Variants in FOXN3 observed in about 807,000 individuals in gnomAD.
FOXN3 encodes the protein forkhead box protein N3.
In FOXN3, 7 loss-of-function variants were observed where a neutral mutation model predicts 38.4. The ratio of observed to expected loss-of-function variants is 0.18; its 90% CI spans 0.10 to 0.34. The LOEUF is 0.34. Among genes scored for constraint, FOXN3 ranks in the 10% least tolerant of loss-of-function variants. FOXN3 has a pLI of 1.00. For synonymous variants in FOXN3, 230 were observed against 242.2 expected, an observed-to-expected ratio of 0.95 and a Z score of 0.47; for missense variants, 456 against 613.4, an observed-to-expected ratio of 0.74 and a Z score of 2.71.
At chr14:89,219,042 C>T (rs1032125534) in intron 4 of FOXN3, among the ~76,000 whole-genome samples, 3 of 152,198 alleles carry the variant, frequency 2.0e-5, no homozygotes, top group African/African-American at 7.2e-5. Flanking sequence ...TCTTTGTCAA[C>T]TCCCTTCTTC....
chr14:89,293,749 C>T (rs1261366138), intron 3 of FOXN3, among the ~76,000 whole-genome samples: 5 of 152,002 alleles, frequency 3.3e-5, no homozygotes, highest in African/African-American at 7.3e-5. Context: ...AATGGAGCGG[C>T]GGTTGGGGGT....
intron 4 of FOXN3, among the ~76,000 whole-genome samples, chr14:89,273,280 A>G (rs1434087536): frequency 6.6e-6 from 1 of 152,202 alleles, no homozygotes; most frequent in Non-Finnish European, 1.5e-5. Context: ...GTTACCCTGA[A>G]ACATGAGATT....
chr14:89,186,555 G>A (rs1887814121), intron 4 of FOXN3, among the ~76,000 whole-genome samples: 1 of 152,140 alleles, frequency 6.6e-6, no homozygotes, highest in Non-Finnish European at 1.5e-5. Context: ...AGAGGGTGGG[G>A]TAGGCAGATG....
Position 89,308,015 on chromosome 14 carries a change from A to G in FOXN3, c.681-27001T>C, listed in dbSNP as rs192945612. ...AGCAGTGGCTCACACCTGTAATCCCAGCACTTTGGGAGGCCGAGGTGGGCG... is the reference window on the plus strand; with the variant it reads ...AGCAGTGGCTCACACCTGTAATCCCGGCACTTTGGGAGGCCGAGGTGGGCG... On this transcript the variant is annotated intron_variant, in intron 3 of 5. Transcript: ENST00000557258. Among the ~76,000 whole-genome samples the G allele has an allele frequency of 5.6e-4, 86 of 152,374 alleles. No homozygotes were observed. The East Asian group carries it at 0.016, about 29-fold the overall frequency.
chr14:89,482,677 G>C (rs1893358742), intron 1 of FOXN3, among the ~76,000 whole-genome samples: 1 of 152,092 alleles, frequency 6.6e-6, no homozygotes, highest in Non-Finnish European at 1.5e-5. Flanking sequence ...GGGAGGCTGA[G>C]GCGGGTGGAT....
intron 1 of FOXN3, among the ~76,000 whole-genome samples, chr14:89,612,837 A>G (rs956623970): frequency 6.7e-6 from 1 of 149,476 alleles, no homozygotes; most frequent in African/African-American, 2.5e-5. Flanking sequence ...AAAAAAAAAA[A>G]GTCCGGACAC....
intron 3 of FOXN3, among the ~76,000 whole-genome samples, chr14:89,309,177 A>G (rs1305888873): frequency 6.6e-6 from 1 of 152,102 alleles, no homozygotes; most frequent in African/African-American, 2.4e-5. Flanking sequence ...AGGCCATTCA[A>G]TCTCTCCAGG....
At chr14:89,588,303 G>A (rs777171844) in intron 1 of FOXN3, among the ~76,000 whole-genome samples, 1 of 151,978 alleles carries the variant, frequency 6.6e-6, no homozygotes, top group Non-Finnish European at 1.5e-5. Context: ...CTACAGAACC[G>A]TGAGCCAATT....
chr14:89,331,329 T>A (rs938506127), intron 3 of FOXN3, among the ~76,000 whole-genome samples: 28 of 152,238 alleles, frequency 1.8e-4, no homozygotes, highest in Non-Finnish European at 3.2e-4. Context: ...ATCTGGCTTT[T>A]TTCACTCTGC....
Position 89,368,330 on chromosome 14 carries a change from C to CA in FOXN3, c.544-17523dup, listed in dbSNP as rs35347785. ...GGATAAAAAGAGTGAAACTCTGTCT[C>CA]AAAAAAAAAAAAAAAGAACACCGAA... On this transcript the variant is annotated intron_variant, in intron 2 of 5. Coordinates refer to ENST00000557258, the MANE Select transcript of FOXN3 (RefSeq NM_005197.4). 1.3e-3 allele frequency among the ~76,000 whole-genome samples: 184 copies of CA among 136,752 alleles called. 2 individuals carry two copies. Among genetic ancestry groups the CA allele is most frequent in the South Asian group, 9.0e-3 (38 of 4,244 alleles). 89.7% of individuals were successfully genotyped at this position (136,752 alleles called of 152,430 possible).
At chr14:89,398,992 C>A (rs2140085575) in intron 2 of FOXN3, among the ~76,000 whole-genome samples, 1 of 152,276 alleles carries the variant, frequency 6.6e-6, no homozygotes. Flanking sequence ...CTCAAATCAG[C>A]CAATCAATCA....
chr14:89,312,898 G>A (rs1887602480), intron 3 of FOXN3, among the ~76,000 whole-genome samples: 2 of 152,176 alleles, frequency 1.3e-5, no homozygotes, highest in Non-Finnish European at 1.5e-5. Flanking sequence ...TGCCCTGTAA[G>A]CTCACAACCA....
chr14:89,210,598 C>T (rs1385337379), intron 4 of FOXN3, among the ~76,000 whole-genome samples: 1 of 152,178 alleles, frequency 6.6e-6, no homozygotes, highest in African/African-American at 2.4e-5. Context: ...CTATATTTAT[C>T]CCTAAGTGTC....
chr14:89,375,572 G>T (rs1009507750), intron 2 of FOXN3, among the ~76,000 whole-genome samples: 4 of 151,978 alleles, frequency 2.6e-5, no homozygotes, highest in Non-Finnish European at 5.9e-5. Flanking sequence ...GCACATTATA[G>T]AATAAAGCAA....
chr14:89,617,378 C>T (rs1211449522), intron 1 of FOXN3, among the ~76,000 whole-genome samples: 1 of 152,196 alleles, frequency 6.6e-6, no homozygotes, highest in Admixed American at 6.5e-5. Context: ...CGCCTCAAAG[C>T]AGATGCCACA....
chr14:89,608,180 CCCATCCTGTTAG>C (rs1896313383), intron 1 of FOXN3, among the ~76,000 whole-genome samples: 2 of 140,818 alleles, frequency 1.4e-5, no homozygotes, highest in Admixed American at 1.5e-4. Context: ...GGGGTTTCAC[CCCATCCTGTTAG>C]CCATCCTGTT....
chr14:89,341,313 C>T (rs887503902), intron 3 of FOXN3, among the ~76,000 whole-genome samples: 1 of 152,190 alleles, frequency 6.6e-6, no homozygotes, highest in African/African-American at 2.4e-5. Context: ...AACTTCGATC[C>T]ATCAAGTCCA....
chr14:89,402,687 A>G (rs1891283167), intron 2 of FOXN3, among the ~76,000 whole-genome samples: 1 of 152,164 alleles, frequency 6.6e-6, no homozygotes, highest in South Asian at 2.1e-4. Flanking sequence ...CTTGCTTCCT[A>G]AAATGGGAAC....
chr14:89,498,751 A>G (rs1045397880), intron 1 of FOXN3, among the ~76,000 whole-genome samples: 1 of 139,150 alleles, frequency 7.2e-6, no homozygotes, highest in Admixed American at 7.7e-5. Context: ...CCACAGAGGC[A>G]TCCTATGGAC....
Sources: allele counts gnomAD v4.1 joint callset (sites outside exome capture counted in the v4.1 genomes callset), GRCh38; gene constraint gnomAD v4.1.1; transcripts MANE v1.5; gene names NCBI Gene and HGNC (gene_info 2026-07-23, HGNC 2026-07-21).